The following RANBP2 variants were observed in gnomAD, a reference collection of about 807,000 sequenced individuals.
RANBP2 encodes the protein RAN binding protein 2, also known as E3 SUMO-protein ligase RanBP2.
A neutral mutation model predicts 303.6 loss-of-function variants in RANBP2; 57 were observed. The observed-to-expected ratio is 0.19, with a 90% CI of 0.15 to 0.23. The LOEUF (loss-of-function observed/expected upper bound fraction) is 0.23. Ranked by LOEUF, RANBP2 falls within the 10% of genes least tolerant of loss-of-function variation. The pLI, the probability that RANBP2 is intolerant of heterozygous loss-of-function variation, is 1.00. For missense variants in RANBP2, 3,138 were observed against 3,780.8 expected, an observed-to-expected ratio of 0.83 and a Z score of 4.46; for synonymous variants, 1,167 against 1,301.5, an observed-to-expected ratio of 0.90 and a Z score of 2.23.
chr2:108,814,249 G>C, the RANBP2 span, among the ~76,000 whole-genome samples: 762 of 152,104 alleles, frequency 5.0e-3, 4 homozygotes, highest in South Asian at 0.021. Context: ...TCAAAGTTTT[G>C]GTTGCTCCAC....
the RANBP2 span, among the ~76,000 whole-genome samples, chr2:108,938,999 C>T: frequency 2.7e-5 from 4 of 150,704 alleles, no homozygotes; most frequent in Non-Finnish European, 4.4e-5. Context: ...AGGCTGGTCT[C>T]GAACTCCTGA....
intron 1 of RANBP2, among the ~76,000 whole-genome samples, chr2:108,727,930 G>C (rs1473777539): frequency 6.6e-6 from 1 of 152,090 alleles, no homozygotes; most frequent in Non-Finnish European, 1.5e-5. Flanking sequence ...TTGGACTTTG[G>C]AGTTTATGTA....
chr2:109,061,482 T>C, the RANBP2 span, among the ~76,000 whole-genome samples: 2 of 152,096 alleles, frequency 1.3e-5, no homozygotes, highest in East Asian at 3.9e-4. Flanking sequence ...CCTGTGTGCA[T>C]GGCAAGCCCT....
At chr2:109,398,851 A>G in the RANBP2 span, 1 of 1,613,944 alleles carries the variant, frequency 6.2e-7, no homozygotes. Flanking sequence ...TTCCATGGAA[A>G]TTAGTGCTCC....
chr2:108,803,154 C>T, the RANBP2 span, among the ~76,000 whole-genome samples: 1 of 152,190 alleles, frequency 6.6e-6, no homozygotes, highest in Non-Finnish European at 1.5e-5. Flanking sequence ...AAAGTGTTAG[C>T]CAAGACTTAG....
the RANBP2 span, among the ~76,000 whole-genome samples, chr2:109,090,538 A>G: frequency 6.6e-6 from 1 of 151,938 alleles, no homozygotes; most frequent in East Asian, 1.9e-4. Context: ...ACCCTAGGAG[A>G]CTCTCCAGCT....
the RANBP2 span, among the ~76,000 whole-genome samples, chr2:109,548,799 AAAAG>A: frequency 1.3e-5 from 2 of 148,624 alleles, no homozygotes; most frequent in African/African-American, 4.9e-5. Flanking sequence ...AAAAAAAAAA[AAAAG>A]ACATAATATT....
the RANBP2 span, among the ~76,000 whole-genome samples, chr2:109,067,426 T>C: frequency 2.6e-5 from 4 of 152,238 alleles, no homozygotes; most frequent in Non-Finnish European, 5.9e-5. Context: ...GCCCCGCCTG[T>C]GCTGTACTTT....
the RANBP2 span, among the ~76,000 whole-genome samples, chr2:109,336,582 G>A: frequency 3.9e-5 from 6 of 152,194 alleles, no homozygotes; most frequent in African/African-American, 1.4e-4. Context: ...TGCCAGCCCT[G>A]GGCAGTGTTT....
chr2:109,681,663 G>T, the RANBP2 span, among the ~76,000 whole-genome samples: 1 of 152,190 alleles, frequency 6.6e-6, no homozygotes, highest in African/African-American at 2.4e-5. Flanking sequence ...GGGAGGCAGG[G>T]CCCTGGGTGG....
chr2:109,545,150 A>G, the RANBP2 span: 1 of 985,230 alleles, frequency 1.0e-6, no homozygotes, highest in Non-Finnish European at 1.2e-6. Flanking sequence ...GGAACATGGG[A>G]GCATGCAACG....
the RANBP2 span, among the ~76,000 whole-genome samples, chr2:109,181,990 C>T: frequency 1.3e-5 from 2 of 152,226 alleles, no homozygotes; most frequent in African/African-American, 4.8e-5. Context: ...GCTCATTGCT[C>T]AGGGGAGGAG....
chr2:108,841,116 G>A, the RANBP2 span, among the ~76,000 whole-genome samples: 1 of 152,144 alleles, frequency 6.6e-6, no homozygotes, highest in Non-Finnish European at 1.5e-5. Context: ...GATTACAGGT[G>A]TGAGCCACCG....
At chr2:109,190,564 A>G in the RANBP2 span, among the ~76,000 whole-genome samples, 1 of 152,218 alleles carries the variant, frequency 6.6e-6, no homozygotes, top group Non-Finnish European at 1.5e-5. Context: ...CACCTGAGTG[A>G]ACAGATTGTT....
the RANBP2 span, among the ~76,000 whole-genome samples, chr2:108,828,696 C>T: frequency 6.6e-6 from 1 of 152,056 alleles, no homozygotes; most frequent in Admixed American, 6.6e-5. Context: ...AAATTTAACT[C>T]GGCTGGGCGT....
the RANBP2 span, among the ~76,000 whole-genome samples, chr2:109,073,610 A>G: frequency 1.3e-5 from 2 of 150,284 alleles, no homozygotes; most frequent in African/African-American, 2.4e-5. Context: ...CTGAGGTTGC[A>G]GTGAGCTGAG....
the RANBP2 span, among the ~76,000 whole-genome samples, chr2:109,047,636 C>A: frequency 6.6e-6 from 1 of 152,168 alleles, no homozygotes; most frequent in African/African-American, 2.4e-5. Context: ...TGGTGAAACC[C>A]CATCTCTACT....
the RANBP2 span, among the ~76,000 whole-genome samples, chr2:109,399,656 T>A: frequency 2.0e-5 from 3 of 152,332 alleles, no homozygotes; most frequent in Non-Finnish European, 2.9e-5. Context: ...TAAAAAAATT[T>A]TTAAATAATG....
At chr2:108,732,108 T>A (rs889677820) in intron 4 of RANBP2, among the ~76,000 whole-genome samples, 2 of 152,188 alleles carry the variant, frequency 1.3e-5, no homozygotes, top group African/African-American at 4.8e-5. Context: ...AATGTATACT[T>A]TATCGTGTGT....
Sources: gnomAD v4.1 joint callset for allele counts (sites outside exome capture counted in the v4.1 genomes callset) on GRCh38, gnomAD v4.1.1 for gene constraint, MANE v1.5 for transcripts, NCBI Gene and HGNC (gene_info 2026-07-23, HGNC 2026-07-21) for gene names.